Variants in DLGAP1 observed in about 807,000 individuals in gnomAD.
DLGAP1 encodes the protein DLG associated protein 1, also known as disks large-associated protein 1.
DLGAP1 carries 11 observed loss-of-function variants against 90.8 expected under a neutral mutation model. The observed-to-expected ratio is 0.12, with a 90% CI of 0.08 to 0.20. DLGAP1 has a LOEUF of 0.20. DLGAP1 is among the 10% of genes least tolerant of loss of function. DLGAP1 has a pLI of 1.00. For missense variants in DLGAP1, 1,050 were observed against 1,333.8 expected (o/e 0.79, Z 3.31); for synonymous variants, 558 against 540.7 (o/e 1.03, Z -0.44).
At chr18:4,350,964 C>T (rs1251378148) in intron 1 of DLGAP1, among the ~76,000 whole-genome samples, 1 of 152,008 alleles carries the variant, frequency 6.6e-6, no homozygotes, top group Non-Finnish European at 1.5e-5. Context: ...GAAATGAGGG[C>T]CCCAGCACAC....
chr18:3,997,755 A>AATATTATGT (rs1283052694), intron 3 of DLGAP1, among the ~76,000 whole-genome samples: 2 of 152,134 alleles, frequency 1.3e-5, no homozygotes, highest in Non-Finnish European at 2.9e-5. Context: ...ATATGTCACA[A>AATATTATGT]ATATTATGTA....
rs373633322 is a variant in DLGAP1 at position 3,552,687 on chromosome 18, C to G, written c.2057+14803G>C. On this transcript the variant is annotated intron_variant, in intron 9 of 12. Transcript: ENST00000315677. ...TGCTGGTCTCCTCCAGGCCAGAGAC[C>G]CTTAGTTTTAGCCTCTGAAGAAGAG... 2.4e-4 allele frequency among the ~76,000 whole-genome samples: 36 copies of G among 152,248 alleles called. 1 individual carries two copies. The East Asian group carries it at 6.0e-3, about 25-fold the overall frequency.
chr18:4,213,871 A>G (rs1296113165), intron 1 of DLGAP1, among the ~76,000 whole-genome samples: 3 of 152,176 alleles, frequency 2.0e-5, no homozygotes, highest in East Asian at 3.9e-4. Context: ...AAGTGGTGTT[A>G]AAGTCCAGGA....
intron 3 of DLGAP1, among the ~76,000 whole-genome samples, chr18:4,000,714 A>G (rs975330031): frequency 2.6e-5 from 4 of 152,190 alleles, no homozygotes; most frequent in African/African-American, 9.7e-5. Context: ...GCTTTCCTTA[A>G]TATTTCTGAA....
At chr18:3,971,942 G>A (rs1237355515) in intron 3 of DLGAP1, among the ~76,000 whole-genome samples, 4 of 152,170 alleles carry the variant, frequency 2.6e-5, no homozygotes, top group African/African-American at 9.7e-5. Flanking sequence ...TGCTGGTCCA[G>A]TTGAGTAAGG....
At chr18:3,589,641 G>T (rs2056116361) in intron 7 of DLGAP1, among the ~76,000 whole-genome samples, 1 of 152,140 alleles carries the variant, frequency 6.6e-6, no homozygotes, top group Non-Finnish European at 1.5e-5. Flanking sequence ...TAAACATGTT[G>T]TTACCCCAAG....
At chr18:4,081,042 C>T (rs1450271201) in intron 2 of DLGAP1, among the ~76,000 whole-genome samples, 1 of 152,048 alleles carries the variant, frequency 6.6e-6, no homozygotes, top group African/African-American at 2.4e-5. Flanking sequence ...GCATGCACCA[C>T]CACGCCCAGA....
intron 1 of DLGAP1, among the ~76,000 whole-genome samples, chr18:4,314,108 G>A (rs2080469233): frequency 6.6e-6 from 1 of 152,176 alleles, no homozygotes; most frequent in African/African-American, 2.4e-5. Flanking sequence ...AGATGTAAAT[G>A]GGACAAAGCC....
At chr18:3,553,271 G>C (rs1040140128) in intron 9 of DLGAP1, among the ~76,000 whole-genome samples, 2 of 152,166 alleles carry the variant, frequency 1.3e-5, no homozygotes, top group Admixed American at 6.5e-5. Context: ...TAAAGATGTT[G>C]TAAGACTATA....
intron 5 of DLGAP1, among the ~76,000 whole-genome samples, chr18:3,810,690 A>G (rs575532438): frequency 1.3e-5 from 2 of 152,320 alleles, no homozygotes; most frequent in South Asian, 4.1e-4. Flanking sequence ...CAGTCAAAAC[A>G]TCATCAAGGA....
intron 10 of DLGAP1, among the ~76,000 whole-genome samples, chr18:3,518,430 G>C (rs193042919): frequency 6.6e-6 from 1 of 152,070 alleles, no homozygotes; most frequent in African/African-American, 2.4e-5. Context: ...AATTACCAAA[G>C]TCTGACACAA....
chr18:3,940,906 T>C (rs1275096364), intron 3 of DLGAP1, among the ~76,000 whole-genome samples: 2 of 152,194 alleles, frequency 1.3e-5, no homozygotes, highest in African/African-American at 4.8e-5. Flanking sequence ...CATTTCCTCA[T>C]TGTTAGTAGG....
At chr18:4,229,325 A>G (rs2078252773) in intron 1 of DLGAP1, among the ~76,000 whole-genome samples, 1 of 152,064 alleles carries the variant, frequency 6.6e-6, no homozygotes, top group Non-Finnish European at 1.5e-5. Context: ...TAGAGAAACA[A>G]TCTTAAAATT....
chr18:3,679,618 G>A (rs529176951), intron 7 of DLGAP1, among the ~76,000 whole-genome samples: 6 of 149,166 alleles, frequency 4.0e-5, no homozygotes, highest in East Asian at 4.0e-4. Flanking sequence ...AGATAGGGCC[G>A]ATGAGCTCCG....
chr18:4,366,819 C>T (rs1453164356), intron 1 of DLGAP1, among the ~76,000 whole-genome samples: 1 of 151,664 alleles, frequency 6.6e-6, no homozygotes, highest in African/African-American at 2.4e-5. Context: ...ATTTCTAGAG[C>T]ATATCTAGAG....
chr18:4,271,473 G>A (rs1189963098), intron 1 of DLGAP1, among the ~76,000 whole-genome samples: 1 of 152,150 alleles, frequency 6.6e-6, no homozygotes, highest in Non-Finnish European at 1.5e-5. Context: ...CTGCAAATAA[G>A]AAAAATTTGG....
intron 1 of DLGAP1, among the ~76,000 whole-genome samples, chr18:4,182,434 C>T (rs1041789506): frequency 6.6e-6 from 1 of 152,158 alleles, no homozygotes; most frequent in Non-Finnish European, 1.5e-5. Flanking sequence ...CAGCCTTTCT[C>T]TGCCAGTTAT....
At chr18:3,740,698 C>A (rs1450664762) in intron 6 of DLGAP1, among the ~76,000 whole-genome samples, 1 of 152,054 alleles carries the variant, frequency 6.6e-6, no homozygotes, top group Non-Finnish European at 1.5e-5. Flanking sequence ...CACACCATAG[C>A]ATCACTATCA....
chr18:3,856,084 A>G (rs2069626970), intron 4 of DLGAP1, among the ~76,000 whole-genome samples: 1 of 152,138 alleles, frequency 6.6e-6, no homozygotes, highest in Non-Finnish European at 1.5e-5. Context: ...GAGTCAATCT[A>G]TGTGTAATAT....
Sources: gnomAD v4.1 joint callset for allele counts (sites outside exome capture counted in the v4.1 genomes callset) on GRCh38, gnomAD v4.1.1 for gene constraint, MANE v1.5 for transcripts, NCBI Gene and HGNC (gene_info 2026-07-23, HGNC 2026-07-21) for gene names.